The following SAXO1 variants were observed in gnomAD, a reference collection of about 807,000 sequenced individuals.
SAXO1 encodes the protein 4930500O09Rik.
SAXO1 carries 21 observed loss-of-function variants against 17.5 expected under a neutral mutation model. That is an observed-to-expected ratio of 1.20 (90% confidence interval 0.85 to 1.72). The LOEUF (loss-of-function observed/expected upper bound fraction) is 1.72. Among genes scored for constraint, SAXO1 ranks in the 40% most tolerant of loss-of-function variants. The pLI, the probability that SAXO1 is intolerant of heterozygous loss-of-function variation, is 0.00. For synonymous variants in SAXO1, 274 were observed against 216.5 expected (o/e 1.27, Z -2.33); for missense variants, 843 against 596.0 (o/e 1.41, Z -4.32).
At chr9:18,930,245 G>A (rs1221991228) in intron 3 of SAXO1, among the ~76,000 whole-genome samples, 1 of 152,222 alleles carries the variant, frequency 6.6e-6, no homozygotes, top group African/African-American at 2.4e-5. Context: ...CAATCTAGAT[G>A]TCCATCTCCA....
At chr9:19,034,180 C>G (rs940921558), upstream of SAXO1, among the ~76,000 whole-genome samples, 8 of 152,188 alleles carry the variant, frequency 5.3e-5, no homozygotes, top group Non-Finnish European at 1.2e-4. Flanking sequence ...CTTTCCTATG[C>G]TTCCTAACTC....
intron 1 of SAXO1, among the ~76,000 whole-genome samples, chr9:19,001,321 A>C (rs1834254748): frequency 6.6e-6 from 1 of 152,220 alleles, no homozygotes; most frequent in South Asian, 2.1e-4. Context: ...GAAACTGAAC[A>C]ACCTGCTCCT....
chr9:18,992,292 C>T (rs984621111), intron 1 of SAXO1, among the ~76,000 whole-genome samples: 4 of 152,268 alleles, frequency 2.6e-5, no homozygotes, highest in Admixed American at 2.0e-4. Context: ...AAATTCTGCT[C>T]CATGTGTTGC....
chr9:19,006,088 C>T (rs769654807), intron 1 of SAXO1, among the ~76,000 whole-genome samples: 1 of 152,106 alleles, frequency 6.6e-6, no homozygotes, highest in South Asian at 2.1e-4. Flanking sequence ...ACTTCACAAC[C>T]ATTTGGATGG....
intron 1 of SAXO1, among the ~76,000 whole-genome samples, chr9:19,000,559 G>A (rs1036384052): frequency 6.6e-6 from 1 of 151,848 alleles, no homozygotes; most frequent in Admixed American, 6.5e-5. Flanking sequence ...GAGCACCTCT[G>A]CCCATACGCC....
chr9:18,945,848 T>A (rs916788244), intron 2 of SAXO1, among the ~76,000 whole-genome samples: 1 of 152,220 alleles, frequency 6.6e-6, no homozygotes, highest in East Asian at 1.9e-4. Context: ...TGGCACTGTG[T>A]GAGGCTTCAT....
chr9:18,967,768 A>G (rs7025178), intron 1 of SAXO1, among the ~76,000 whole-genome samples: 27,662 of 151,720 alleles, frequency 0.18, 5,323 homozygotes, highest in African/African-American at 0.49. Context: ...CTGTCTCACC[A>G]GCGTTCCGGG....
At chr9:19,004,570 C>T (rs1252283500) in intron 1 of SAXO1, among the ~76,000 whole-genome samples, 1 of 152,146 alleles carries the variant, frequency 6.6e-6, no homozygotes, top group East Asian at 1.9e-4. Flanking sequence ...TTTTCATGGA[C>T]ATGGATGAAG....
intron 1 of SAXO1, chr9:19,027,973 T>G: frequency 2.6e-6 from 4 of 1,540,568 alleles, no homozygotes; most frequent in Non-Finnish European, 3.6e-6. Flanking sequence ...GCTGACCCGC[T>G]GCACAGATGA....
At chr9:18,988,952 A>C (rs1051502340) in intron 1 of SAXO1, among the ~76,000 whole-genome samples, 1 of 152,204 alleles carries the variant, frequency 6.6e-6, no homozygotes, top group Non-Finnish European at 1.5e-5. Flanking sequence ...GGGAGTATAA[A>C]AACCTTTGGG....
At chr9:18,938,616 T>A (rs1831404828) in intron 3 of SAXO1, among the ~76,000 whole-genome samples, 1 of 152,042 alleles carries the variant, frequency 6.6e-6, no homozygotes, top group Non-Finnish European at 1.5e-5. Context: ...AGGATTACAA[T>A]TCAACATGAG....
In SAXO1 at chr9:19,003,257, C is replaced by T. The variant is rs112672904; in HGVS notation, c.38+29614G>A. Among the ~76,000 whole-genome samples, 428 of 152,158 alleles carry T rather than the reference C, an allele frequency of 2.8e-3. 4 individuals carry two copies. The highest frequency in any genetic ancestry group is 1.0e-2 in the African/African-American group (414 of 41,530). On this transcript the variant is annotated intron_variant, in intron 1 of 3. Coordinates refer to ENST00000380534, the MANE Select transcript of SAXO1 (RefSeq NM_153707.4). ...CGAAATAAAAGAGGACACAAACAAA[C>T]GGAAGAATATTCCATGCGCATGGAT...
chr9:18,948,800 A>C (rs1167145682), intron 2 of SAXO1, among the ~76,000 whole-genome samples: 1 of 152,216 alleles, frequency 6.6e-6, no homozygotes, highest in African/African-American at 2.4e-5. Context: ...CTATACTTTC[A>C]GGATAGGAAA....
chr9:19,030,566 C>G (rs1352848436), intron 1 of SAXO1, among the ~76,000 whole-genome samples: 1 of 152,008 alleles, frequency 6.6e-6, no homozygotes, highest in Non-Finnish European at 1.5e-5. Context: ...ATTAGCCCAG[C>G]ATGGTGGTGG....
intron 1 of SAXO1, among the ~76,000 whole-genome samples, chr9:19,012,084 T>A (rs568712087): frequency 2.2e-4 from 33 of 152,186 alleles, no homozygotes; most frequent in Non-Finnish European, 3.7e-4. Context: ...GACCTCATGA[T>A]CCGCCCACCT....
At position 19,028,408 on chromosome 9, in the gene SAXO1, G is replaced by C. The variant is rs188873514; in HGVS notation, c.38+4463C>G. Among the ~76,000 whole-genome samples, 442 of 152,270 alleles carry C rather than the reference G, an allele frequency of 2.9e-3. 2 individuals are homozygous for C. Among genetic ancestry groups the C allele is most frequent in the African/African-American group, 9.7e-3 (405 of 41,552 alleles). On this transcript the variant is annotated intron_variant, in intron 1 of 3. Transcript: ENST00000380534. Reference sequence around the variant, plus strand: ...ATAAAAAATAAAACTCTTCGGAGTAGCATTTTTTCAATAACAGGAAATGCT... The same window carrying C: ...ATAAAAAATAAAACTCTTCGGAGTACCATTTTTTCAATAACAGGAAATGCT...
At chr9:18,992,748 G>A (rs1400259227) in intron 1 of SAXO1, among the ~76,000 whole-genome samples, 1 of 151,270 alleles carries the variant, frequency 6.6e-6, no homozygotes, top group Non-Finnish European at 1.5e-5. Context: ...TCTCATGAGT[G>A]TGTATATTCT....
intron 2 of SAXO1, among the ~76,000 whole-genome samples, chr9:18,944,972 A>G (rs1245706238): frequency 6.6e-6 from 1 of 151,162 alleles, no homozygotes; most frequent in Non-Finnish European, 1.5e-5. Flanking sequence ...GCCAAAGCCA[A>G]CCTCTCTCAC....
At chr9:19,033,803 C>T (rs142069125), upstream of SAXO1, among the ~76,000 whole-genome samples, 561 of 152,254 alleles carry the variant, frequency 3.7e-3, 3 homozygotes, top group African/African-American at 0.013. Flanking sequence ...CAGACCCCAC[C>T]CCCAGTTTCT....
Sources: allele counts gnomAD v4.1 joint callset (sites outside exome capture counted in the v4.1 genomes callset), GRCh38; gene constraint gnomAD v4.1.1; transcripts MANE v1.5; gene names NCBI Gene and HGNC (gene_info 2026-07-23, HGNC 2026-07-21).